ATXN10: variants seen among roughly 807,000 people sequenced by gnomAD.
ATXN10 encodes ataxin-10.
Under a neutral mutation model 52.9 loss-of-function variants are expected in ATXN10, and 28 were observed. That is an observed-to-expected ratio of 0.53 (90% CI 0.39 to 0.73). The LOEUF is 0.73. ATXN10 is among the 30% of genes least tolerant of loss of function. ATXN10 has a pLI of 0.00. For synonymous variants in ATXN10, 226 were observed against 221.5 expected, an observed-to-expected ratio of 1.02 and a Z score of -0.18; for missense variants, 565 against 577.0, an observed-to-expected ratio of 0.98 and a Z score of 0.21.
chr22:45,777,784 G>T (rs1292955080), intron 9 of ATXN10, among the ~76,000 whole-genome samples: 1 of 152,230 alleles, frequency 6.6e-6, no homozygotes, highest in Admixed American at 6.5e-5. Context: ...CTGGAGTCAT[G>T]GTTCTGATTT....
At chr22:45,730,747 C>G (rs1925058455) in intron 7 of ATXN10, among the ~76,000 whole-genome samples, 1 of 152,134 alleles carries the variant, frequency 6.6e-6, no homozygotes, top group Admixed American at 6.5e-5. Flanking sequence ...GTAGGTTGTT[C>G]TTATTTCTAC....
At position 45,727,321 on chromosome 22, in the gene ATXN10, C is replaced by CCATCTATCTA. The variant is rs1189199034; in HGVS notation, c.729-2104_729-2103insCATCTATCTA. ...ACTTGATATAGTTCTGTCTGTCTGTCTATCTATCTATATCTATCTATCTAT... is the reference window on the plus strand; with the variant it reads ...ACTTGATATAGTTCTGTCTGTCTGTCCATCTATCTATATCTATCTATATCTATCTATCTAT... On this transcript the variant is annotated intron_variant, in intron 6 of 11. Transcript: ENST00000252934. This position sits in a 1 kb window ranked among gnomAD's most constrained non-coding sequence, Gnocchi z 4.6. Among the ~76,000 whole-genome samples the CCATCTATCTA allele has an allele frequency of 7.2e-6, 1 of 139,338 alleles. No individual in the cohort carries two copies. The allele number at this position is 139,338 out of a possible 152,430, so 91.4% of individuals were successfully genotyped here. A position where few individuals can be genotyped will look rare whatever the true frequency, so the allele number is the denominator to read the frequency against.
intron 9 of ATXN10, among the ~76,000 whole-genome samples, chr22:45,803,062 C>T (rs1345015930): frequency 1.3e-5 from 2 of 152,194 alleles, no homozygotes; most frequent in African/African-American, 4.8e-5. Context: ...TGAATGTCAC[C>T]AACTACTGCT....
Position 45,766,603 on chromosome 22 carries a change from G to A in ATXN10, c.1173+26065G>A, listed in dbSNP as rs1015415920. Among the ~76,000 whole-genome samples the A allele has an allele frequency of 6.6e-6, 1 of 152,140 alleles. No homozygotes were observed. The highest frequency in any genetic ancestry group is 1.5e-5 in the Non-Finnish European group (1 of 68,028). ...AGCACCTGAACCCATGCAAGTATTAGGAGAAAACATGAATGAGTTCCGTTA... is the reference window on the plus strand; with the variant it reads ...AGCACCTGAACCCATGCAAGTATTAAGAGAAAACATGAATGAGTTCCGTTA... On this transcript the variant is annotated intron_variant, in intron 9 of 11. Coordinates refer to ENST00000252934, the MANE Select transcript of ATXN10 (RefSeq NM_013236.4). The surrounding 1 kb of genome is among the most constrained non-coding windows in gnomAD (Gnocchi z 4.6).
At chr22:45,832,245 G>T (rs1351338398) in intron 10 of ATXN10, among the ~76,000 whole-genome samples, 1 of 152,156 alleles carries the variant, frequency 6.6e-6, no homozygotes, top group Admixed American at 6.5e-5. Flanking sequence ...ATCCCTGAAG[G>T]AGCTGGCCTT....
At position 45,728,084 on chromosome 22, in the gene ATXN10, A is replaced by G. The variant is rs1193861983; in HGVS notation, c.729-1341A>G. Reference sequence around the variant, plus strand: ...TTTAAGTGGAGCATTTAGATGATTTATATTCAATGTTAATACTGAGATGTG... The same window carrying G: ...TTTAAGTGGAGCATTTAGATGATTTGTATTCAATGTTAATACTGAGATGTG... On this transcript the variant is annotated intron_variant, in intron 6 of 11. Coordinates refer to ENST00000252934, the MANE Select transcript of ATXN10 (RefSeq NM_013236.4). The surrounding 1 kb of genome is among the most constrained non-coding windows in gnomAD (Gnocchi z 4.3). 2.6e-5 allele frequency among the ~76,000 whole-genome samples: 4 copies of G among 151,760 alleles called. No individual in the cohort carries two copies. The highest frequency in any genetic ancestry group is 5.9e-5 in the Non-Finnish European group (4 of 67,976).
intron 10 of ATXN10, among the ~76,000 whole-genome samples, chr22:45,829,580 T>C (rs1928923823): frequency 6.6e-6 from 1 of 152,150 alleles, no homozygotes; most frequent in African/African-American, 2.4e-5. Context: ...TTGCATTCTA[T>C]TTACTAATAC....
chr22:45,755,715 A>G (rs1348789177), intron 9 of ATXN10, among the ~76,000 whole-genome samples: 1 of 152,272 alleles, frequency 6.6e-6, no homozygotes, highest in African/African-American at 2.4e-5. Flanking sequence ...AACTGTTTCC[A>G]AAATGAATAA....
Position 45,816,124 on chromosome 22 carries a change from G to A in ATXN10, c.1237+9102G>A, listed in dbSNP as rs1437096852. On this transcript the variant is annotated intron_variant, in intron 10 of 11. Transcript: ENST00000252934. The surrounding 1 kb of genome is among the most constrained non-coding windows in gnomAD (Gnocchi z 5.8). ...AAAAATTCGCTAGGCGTGGTGGCAC[G>A]CACCCTTAGTCCCAGCTACTCGGGA... 1.3e-5 allele frequency among the ~76,000 whole-genome samples: 2 copies of A among 152,046 alleles called. No homozygotes were observed. Among genetic ancestry groups the A allele is most frequent in the Admixed American group, 6.5e-5 (1 of 15,268 alleles).
chr22:45,759,827 ACATACAG>A lies in ATXN10; in HGVS notation c.1173+19291_1173+19297del, dbSNP rs1926317330. The stretch of plus-strand genomic sequence containing the variant: ...GCTTGCTTCTCTCTCTTTCTAATTT[ACATACAG>A]CTAAACACAGATTTTTAATGAATGG... On this transcript the variant is annotated intron_variant, in intron 9 of 11. Coordinates refer to ENST00000252934, the MANE Select transcript of ATXN10 (RefSeq NM_013236.4). This position sits in a 1 kb window ranked among gnomAD's most constrained non-coding sequence, Gnocchi z 5.4. Among the ~76,000 whole-genome samples, 1 of 152,178 alleles carries A rather than the reference ACATACAG, an allele frequency of 6.6e-6. No homozygotes were observed. Among genetic ancestry groups the A allele is most frequent in the African/African-American group, 2.4e-5 (1 of 41,444 alleles).
rs1387894185 is a variant in ATXN10 at position 45,786,276 on chromosome 22, A to G, written c.1174-20683A>G. ...TGAAAAGCATCTTTATTTTGTCACA[A>G]AAGCTTGGAGAATGCTACTCACTAC... On this transcript the variant is annotated intron_variant, in intron 9 of 11. Coordinates refer to ENST00000252934, the MANE Select transcript of ATXN10 (RefSeq NM_013236.4). The surrounding 1 kb of genome is among the most constrained non-coding windows in gnomAD (Gnocchi z 4.1). 6.6e-6 allele frequency among the ~76,000 whole-genome samples: 1 copy of G among 152,178 alleles called. No homozygotes were observed.
intron 7 of ATXN10, among the ~76,000 whole-genome samples, chr22:45,735,175 G>A (rs1390647009): frequency 1.3e-5 from 2 of 152,030 alleles, no homozygotes; most frequent in East Asian, 1.9e-4. Flanking sequence ...CACCGTGCCC[G>A]GCCAGGTTGT....
In ATXN10 at chr22:45,732,327, T is replaced by A. The variant is rs1601612082; in HGVS notation, c.894+2737T>A. ...ACAAAGAATTAGCTGGGTGTGGTGG[T>A]GTGTGCCTGTGTTCCTAGCCACCGG... On this transcript the variant is annotated intron_variant, in intron 7 of 11. Coordinates refer to ENST00000252934, the MANE Select transcript of ATXN10 (RefSeq NM_013236.4). This position sits in a 1 kb window ranked among gnomAD's most constrained non-coding sequence, Gnocchi z 4.5. Among the ~76,000 whole-genome samples the A allele has an allele frequency of 6.6e-6, 1 of 150,698 alleles. No individual in the cohort carries two copies. The highest frequency in any genetic ancestry group is 1.5e-5 in the Non-Finnish European group (1 of 67,708).
In ATXN10 at chr22:45,762,047, A is replaced by G. The variant is rs1023348474; in HGVS notation, c.1173+21509A>G. ...TTTTAAAAACTTCCTATTTAGTCAT[A>G]TGTTTTTACTTCACTTTATGGTTTA... On this transcript the variant is annotated intron_variant, in intron 9 of 11. Transcript: ENST00000252934. The surrounding 1 kb of genome is among the most constrained non-coding windows in gnomAD (Gnocchi z 4.3). Among the ~76,000 whole-genome samples, 30 of 152,316 alleles carry G rather than the reference A, an allele frequency of 2.0e-4. No homozygotes were observed. Among genetic ancestry groups the G allele is most frequent in the African/African-American group, 6.7e-4 (28 of 41,570 alleles).
rs1601645289 is a variant in ATXN10 at position 45,787,059 on chromosome 22, A to G, written c.1174-19900A>G. 1.3e-5 allele frequency among the ~76,000 whole-genome samples: 2 copies of G among 152,354 alleles called. No homozygotes were observed. Among genetic ancestry groups the G allele is most frequent in the East Asian group, 3.9e-4 (2 of 5,194 alleles). ...ATGGTAGGTTATAGTGACTGAATAGAATATACTATTAGAAAATCACATTTT... is the reference window on the plus strand; with the variant it reads ...ATGGTAGGTTATAGTGACTGAATAGGATATACTATTAGAAAATCACATTTT... On this transcript the variant is annotated intron_variant, in intron 9 of 11. Coordinates refer to ENST00000252934, the MANE Select transcript of ATXN10 (RefSeq NM_013236.4). This position sits in a 1 kb window ranked among gnomAD's most constrained non-coding sequence, Gnocchi z 4.2.
intron 9 of ATXN10, among the ~76,000 whole-genome samples, chr22:45,749,730 A>T (rs1182030990): frequency 6.6e-6 from 1 of 151,666 alleles, no homozygotes; most frequent in South Asian, 2.1e-4. Context: ...CCCGACTACT[A>T]AAAATTTTTT....
chr22:45,781,875 GA>G lies in ATXN10; in HGVS notation c.1174-25077del, dbSNP rs138486165. Among the ~76,000 whole-genome samples, 14,495 of 152,150 alleles carry G rather than the reference GA, an allele frequency of 0.095. 888 individuals are homozygous for G. Among genetic ancestry groups the G allele is most frequent in the Middle Eastern group, 0.16 (46 of 294 alleles). The stretch of plus-strand genomic sequence containing the variant: ...CAGTGGCAGAATGGAGATGCTGGAA[GA>G]AAAAAATCAGTGAACTGGAGGATGG... On this transcript the variant is annotated intron_variant, in intron 9 of 11. Transcript: ENST00000252934. The surrounding 1 kb of genome is among the most constrained non-coding windows in gnomAD (Gnocchi z 4.2).
intron 9 of ATXN10, among the ~76,000 whole-genome samples, chr22:45,776,402 T>G (rs1926956206): frequency 6.6e-6 from 1 of 152,228 alleles, no homozygotes; most frequent in African/African-American, 2.4e-5. Flanking sequence ...ATATTTTGTC[T>G]GACCACCTTT....
chr22:45,804,201 GA>G (rs1928023916), intron 9 of ATXN10, among the ~76,000 whole-genome samples: 1 of 152,154 alleles, frequency 6.6e-6, no homozygotes, highest in Non-Finnish European at 1.5e-5. Context: ...ACCTCACCTT[GA>G]ATAGCACTTA....
Sources: allele counts gnomAD v4.1 joint callset (sites outside exome capture counted in the v4.1 genomes callset), GRCh38; gene constraint gnomAD v4.1.1; non-coding constraint Gnocchi (gnomAD v3.1); transcripts MANE v1.5; gene names NCBI Gene and HGNC (gene_info 2026-07-23, HGNC 2026-07-21).